DUSP29: variants seen among roughly 807,000 people sequenced by gnomAD.
The protein encoded by DUSP29 is dual specificity phosphatase 29, also known as atypical dual-specific protein phosphatase.
Under a neutral mutation model 13.5 loss-of-function variants are expected in DUSP29, and 12 were observed. That is an observed-to-expected ratio of 0.89 (90% CI 0.57 to 1.44). The LOEUF (loss-of-function observed/expected upper bound fraction) is 1.44. Among genes scored for constraint, DUSP29 ranks in the 40% most tolerant of loss-of-function variants. The pLI is 0.00. For missense variants in DUSP29, 308 were observed against 301.1 expected, an observed-to-expected ratio of 1.02 and a Z score of -0.17; for synonymous variants, 134 against 128.7, an observed-to-expected ratio of 1.04 and a Z score of -0.28.
At chr10:75,059,142 C>G (rs1847032719) in intron 1 of DUSP29, among the ~76,000 whole-genome samples, 1 of 152,150 alleles carries the variant, frequency 6.6e-6, no homozygotes, top group Non-Finnish European at 1.5e-5. Context: ...GAGCTGAAGG[C>G]AATGCTCACA....
intron 1 of DUSP29, among the ~76,000 whole-genome samples, chr10:75,067,409 C>A (rs191342783): frequency 6.6e-6 from 1 of 152,164 alleles, no homozygotes; most frequent in Non-Finnish European, 1.5e-5. Flanking sequence ...GGGCAGCCCC[C>A]CTCCCCACCC....
At chr10:75,069,335 C>A (rs1293736474) in intron 1 of DUSP29, among the ~76,000 whole-genome samples, 1 of 152,174 alleles carries the variant, frequency 6.6e-6, no homozygotes, top group Non-Finnish European at 1.5e-5. Flanking sequence ...GAGACCCAGA[C>A]CATGATGTCT....
At chr10:75,055,087 C>T (rs536855343) in intron 2 of DUSP29, among the ~76,000 whole-genome samples, 3 of 152,290 alleles carry the variant, frequency 2.0e-5, no homozygotes, top group Admixed American at 1.3e-4. Flanking sequence ...AGCAATCCTC[C>T]CACCTTGGCC....
chr10:75,056,007 T>C (rs1415057832), intron 2 of DUSP29, among the ~76,000 whole-genome samples: 1 of 152,162 alleles, frequency 6.6e-6, no homozygotes, highest in Non-Finnish European at 1.5e-5. Flanking sequence ...TCTCCTGGTC[T>C]CCAGCAATCT....
intron 3 of DUSP29, among the ~76,000 whole-genome samples, chr10:75,041,842 C>A (rs1439270494): frequency 6.6e-6 from 1 of 152,222 alleles, no homozygotes; most frequent in African/African-American, 2.4e-5. Context: ...CAGCCTGACA[C>A]CTCCTCATAA....
chr10:75,065,485 C>T (rs574260981), intron 1 of DUSP29, among the ~76,000 whole-genome samples: 1 of 152,070 alleles, frequency 6.6e-6, no homozygotes, highest in Non-Finnish European at 1.5e-5. Flanking sequence ...CCCGCCACCC[C>T]ACCCGGCTAA....
chr10:75,070,215 G>C (rs1847301458), intron 1 of DUSP29, among the ~76,000 whole-genome samples: 1 of 152,144 alleles, frequency 6.6e-6, no homozygotes, highest in Non-Finnish European at 1.5e-5. Flanking sequence ...GGGAGGTTAA[G>C]AAACAACACA....
chr10:75,040,894 C>T (rs1220175247), intron 3 of DUSP29, among the ~76,000 whole-genome samples: 3 of 152,084 alleles, frequency 2.0e-5, no homozygotes, highest in African/African-American at 7.2e-5. Flanking sequence ...GGGAGAGGGC[C>T]CCAGGGGCTG....
intron 3 of DUSP29, 68 bp downstream of exon 3, chr10:75,043,729 G>T: frequency 1.4e-6 from 2 of 1,415,488 alleles, no homozygotes; most frequent in Non-Finnish European, 1.9e-6. Flanking sequence ...CGGGGCCTAA[G>T]CTACGGGCGG....
At chr10:75,049,833 T>C (rs887901867) in intron 2 of DUSP29, among the ~76,000 whole-genome samples, 1 of 146,008 alleles carries the variant, frequency 6.8e-6, no homozygotes, top group Admixed American at 6.8e-5. Context: ...TCTGAGGCTG[T>C]GGGTCTGGTC....
intron 1 of DUSP29, among the ~76,000 whole-genome samples, chr10:75,062,708 G>T (rs948521274): frequency 2.0e-5 from 3 of 152,160 alleles, no homozygotes; most frequent in Non-Finnish European, 4.4e-5. Context: ...TCTCAGAGAG[G>T]CCAGGAGCAT....
At chr10:75,069,857 CATGGTG>C (rs1847283926) in intron 1 of DUSP29, among the ~76,000 whole-genome samples, 1 of 148,600 alleles carries the variant, frequency 6.7e-6, no homozygotes, top group East Asian at 2.0e-4. Flanking sequence ...GTCTGGCCAA[CATGGTG>C]AAACCCTGTC....
intron 2 of DUSP29, among the ~76,000 whole-genome samples, chr10:75,050,876 C>T (rs74146275): frequency 1.3e-5 from 2 of 152,338 alleles, no homozygotes; most frequent in African/African-American, 2.4e-5. Flanking sequence ...GCACCCTCCA[C>T]GTTGCCCTCC....
intron 2 of DUSP29, among the ~76,000 whole-genome samples, chr10:75,055,090 C>T (rs990513789): frequency 1.3e-5 from 2 of 152,208 alleles, no homozygotes; most frequent in Non-Finnish European, 2.9e-5. Context: ...AATCCTCCCA[C>T]CTTGGCCTCC....
chr10:75,069,887 CAA>C (rs5786164), intron 1 of DUSP29, among the ~76,000 whole-genome samples: 69 of 142,316 alleles, frequency 4.8e-4, no homozygotes, highest in Admixed American at 1.1e-3. Flanking sequence ...ACTAAAAATA[CAA>C]AAAAAAAAAA....
chr10:75,060,468 T>TAAAA (rs56741186), intron 1 of DUSP29, among the ~76,000 whole-genome samples: 1 of 124,452 alleles, frequency 8.0e-6, no homozygotes. Flanking sequence ...TGAGACCTTA[T>TAAAA]AAAAAAAAAA....
chr10:75,062,576 G>A (rs954794892), intron 1 of DUSP29, among the ~76,000 whole-genome samples: 10 of 152,184 alleles, frequency 6.6e-5, no homozygotes, highest in Non-Finnish European at 1.0e-4. Context: ...CCTCCAGCAC[G>A]CAGATTTGAT....
chr10:75,054,172 G>T (rs1344735686), intron 2 of DUSP29, among the ~76,000 whole-genome samples: 3 of 152,184 alleles, frequency 2.0e-5, no homozygotes, highest in Non-Finnish European at 4.4e-5. Context: ...TGCAGGGAAA[G>T]ACATTTTAGA....
At chr10:75,040,991 G>A (rs562589149) in intron 3 of DUSP29, among the ~76,000 whole-genome samples, 2 of 152,302 alleles carry the variant, frequency 1.3e-5, no homozygotes, top group East Asian at 3.9e-4. Context: ...TAGGGGGAAT[G>A]GTGTACACTT....
Sources: allele counts gnomAD v4.1 joint callset (sites outside exome capture counted in the v4.1 genomes callset), GRCh38; gene constraint gnomAD v4.1.1; transcripts MANE v1.5; gene names NCBI Gene and HGNC (gene_info 2026-07-23, HGNC 2026-07-21).